RBFOX1: variants seen among roughly 807,000 people sequenced by gnomAD.
RBFOX1 encodes the protein RNA binding fox-1 homolog 1, also known as RNA binding protein fox-1 homolog 1.
RBFOX1 carries 8 observed loss-of-function variants against 57.7 expected under a neutral mutation model. That is an observed-to-expected ratio of 0.14 (90% CI 0.08 to 0.25). The LOEUF is 0.25. Ranked by LOEUF, RBFOX1 falls within the 10% of genes least tolerant of loss-of-function variation. The probability of loss-of-function intolerance (pLI) is 1.00; values close to 1 mark genes in which losing one functional copy is unlikely to be tolerated. For missense variants in RBFOX1, 611 were observed against 548.5 expected (o/e 1.11, Z -1.14); for synonymous variants, 326 against 222.4 (o/e 1.47, Z -4.15).
chr16:6,979,474 C>G (rs1425594056), intron 3 of RBFOX1, among the ~76,000 whole-genome samples: 1 of 152,106 alleles, frequency 6.6e-6, no homozygotes, highest in Admixed American at 6.6e-5. Flanking sequence ...TGTTCTTCCC[C>G]CAGTACCTTT....
In RBFOX1 at chr16:6,775,315, G is replaced by GC. The variant is rs556131998; in HGVS notation, c.-16+120666dup. Among the ~76,000 whole-genome samples the GC allele has an allele frequency of 8.4e-5, 11 of 130,984 alleles. No homozygotes were observed. The East Asian group carries it at 2.4e-3, about 29-fold the overall frequency. The allele number at this position is 130,984 out of a possible 152,430, so 85.9% of individuals were successfully genotyped here. ...ACCGCACTCCAGCCTGGGCGATACA[G>GC]CGAGACTCTGTCTCAAAAAAAAAAA... is the stretch of plus-strand genomic sequence containing the variant. On this transcript the variant is annotated intron_variant, in intron 3 of 15. Transcript: ENST00000550418.
chr16:7,338,021 C>T (rs923327000), intron 4 of RBFOX1, among the ~76,000 whole-genome samples: 2 of 152,168 alleles, frequency 1.3e-5, no homozygotes, highest in African/African-American at 4.8e-5. Context: ...GTTTGTGCAT[C>T]ATTTACCATT....
At chr16:7,280,229 T>C (rs949587605) in intron 4 of RBFOX1, among the ~76,000 whole-genome samples, 2 of 152,218 alleles carry the variant, frequency 1.3e-5, no homozygotes, top group African/African-American at 4.8e-5. Context: ...CTTGCCTTCA[T>C]TGCAAAATGA....
intron 3 of RBFOX1, among the ~76,000 whole-genome samples, chr16:5,724,675 C>T (rs2052068504): frequency 6.6e-6 from 1 of 152,114 alleles, no homozygotes; most frequent in African/African-American, 2.4e-5. Flanking sequence ...GGTTTTTCTT[C>T]ACTTCTCCCA....
At chr16:5,976,761 TG>T (rs201394758) in intron 4 of RBFOX1, among the ~76,000 whole-genome samples, 4,355 of 152,068 alleles carry the variant, frequency 0.029, 214 homozygotes, top group African/African-American at 0.1. Flanking sequence ...CCCAGCTACT[TG>T]GGGGGCTTAG....
chr16:6,587,174 C>A (rs1264114392), intron 2 of RBFOX1, among the ~76,000 whole-genome samples: 1 of 152,094 alleles, frequency 6.6e-6, no homozygotes, highest in Non-Finnish European at 1.5e-5. Flanking sequence ...ACTAATGTCT[C>A]CCCAGCTCCC....
intron 3 of RBFOX1, among the ~76,000 whole-genome samples, chr16:6,888,962 G>A (rs192337987): frequency 6.6e-6 from 1 of 152,142 alleles, no homozygotes; most frequent in Non-Finnish European, 1.5e-5. Flanking sequence ...GTAGGTATGG[G>A]CAGACACAGC....
chr16:7,708,657 T>C (rs1391027705), intron 14 of RBFOX1, among the ~76,000 whole-genome samples: 1 of 152,186 alleles, frequency 6.6e-6, no homozygotes, highest in African/African-American at 2.4e-5. Flanking sequence ...GACAGCTGAA[T>C]CAGGAGAAAA....
chr16:6,860,878 T>C (rs1463112968), intron 3 of RBFOX1, among the ~76,000 whole-genome samples: 2 of 152,126 alleles, frequency 1.3e-5, no homozygotes, highest in South Asian at 2.1e-4. Context: ...TATTCAAAAA[T>C]AGATATTCCA....
At chr16:7,000,603 T>TTTTTTTTTTC (rs2092702734) in intron 3 of RBFOX1, among the ~76,000 whole-genome samples, 1 of 130,228 alleles carries the variant, frequency 7.7e-6, no homozygotes, top group African/African-American at 3.1e-5. Flanking sequence ...TTTCTTTTTT[T>TTTTTTTTTTC]TTTTTTTTTT....
chr16:5,809,862 A>G (rs1183805912), intron 3 of RBFOX1, among the ~76,000 whole-genome samples: 1 of 152,144 alleles, frequency 6.6e-6, no homozygotes, highest in Non-Finnish European at 1.5e-5. Context: ...GCTGCTATAA[A>G]GACACATGCA....
At chr16:6,917,158 G>C (rs2073380294) in intron 3 of RBFOX1, among the ~76,000 whole-genome samples, 1 of 152,086 alleles carries the variant, frequency 6.6e-6, no homozygotes, top group Non-Finnish European at 1.5e-5. Context: ...GCCTGCAAAT[G>C]ATTTTGTCCA....
chr16:7,478,920 G>A (rs956677306), intron 4 of RBFOX1, among the ~76,000 whole-genome samples: 2 of 152,098 alleles, frequency 1.3e-5, no homozygotes, highest in Non-Finnish European at 2.9e-5. Flanking sequence ...GAGTAAAGGG[G>A]AGAGTACCAT....
chr16:5,428,886 C>G (rs979978367), intron 1 of RBFOX1, among the ~76,000 whole-genome samples: 1 of 152,112 alleles, frequency 6.6e-6, no homozygotes, highest in Non-Finnish European at 1.5e-5. Context: ...AGGACAGTCA[C>G]TGTTTTGTTC....
chr16:6,823,226 G>T (rs559156775), intron 3 of RBFOX1, among the ~76,000 whole-genome samples: 1 of 151,454 alleles, frequency 6.6e-6, no homozygotes, highest in Non-Finnish European at 1.5e-5. Context: ...TGACCTCTTG[G>T]CCCATCTGAA....
chr16:6,937,855 G>C (rs13336001), intron 3 of RBFOX1, among the ~76,000 whole-genome samples: 5 of 151,736 alleles, frequency 3.3e-5, no homozygotes, highest in African/African-American at 1.2e-4. Flanking sequence ...ATGAAATGCT[G>C]GCTGGCTTTT....
intron 1 of RBFOX1, among the ~76,000 whole-genome samples, chr16:5,461,432 C>G (rs2068784888): frequency 6.6e-6 from 1 of 152,076 alleles, no homozygotes; most frequent in Non-Finnish European, 1.5e-5. Flanking sequence ...GCAGGGAGGG[C>G]AGGCACCTAA....
At chr16:6,660,631 C>G (rs1395201798) in intron 3 of RBFOX1, among the ~76,000 whole-genome samples, 1 of 152,118 alleles carries the variant, frequency 6.6e-6, no homozygotes. Context: ...TATATATCTT[C>G]ATCTGCTTAT....
At chr16:6,745,597 T>A (rs886683684) in intron 3 of RBFOX1, among the ~76,000 whole-genome samples, 1 of 152,160 alleles carries the variant, frequency 6.6e-6, no homozygotes, top group Non-Finnish European at 1.5e-5. Flanking sequence ...AAATCCAAAA[T>A]GGATTCTAGT....
Sources: gnomAD v4.1 joint callset for allele counts (sites outside exome capture counted in the v4.1 genomes callset) on GRCh38, gnomAD v4.1.1 for gene constraint, MANE v1.5 for transcripts, NCBI Gene and HGNC (gene_info 2026-07-23, HGNC 2026-07-21) for gene names.